VTI1A: variants seen among roughly 807,000 people sequenced by gnomAD.
VTI1A encodes vesicle transport through interaction with t-SNAREs 1A.
Under a neutral mutation model 34.9 loss-of-function variants are expected in VTI1A, and 22 were observed. The ratio of observed to expected loss-of-function variants is 0.63; its 90% CI spans 0.45 to 0.90. The LOEUF (loss-of-function observed/expected upper bound fraction) is 0.90, where lower values mean the gene tolerates loss of function less well. VTI1A is among the 40% of genes least tolerant of loss of function. The probability of loss-of-function intolerance (pLI) is 0.00; values close to 1 mark genes in which losing one functional copy is unlikely to be tolerated. For missense variants in VTI1A, 268 were observed against 275.6 expected (o/e 0.97, Z 0.20); for synonymous variants, 87 against 97.3 (o/e 0.89, Z 0.62).
chr10:112,563,461 C>T (rs1851799824), intron 5 of VTI1A, among the ~76,000 whole-genome samples: 2 of 152,116 alleles, frequency 1.3e-5, no homozygotes, highest in African/African-American at 4.8e-5. Flanking sequence ...AGTGCTGTAA[C>T]CTTATCGCAT....
chr10:112,709,253 CA>C (rs926666546), intron 7 of VTI1A, among the ~76,000 whole-genome samples: 2 of 152,188 alleles, frequency 1.3e-5, no homozygotes, highest in African/African-American at 4.8e-5. Flanking sequence ...GCTTTGCTGA[CA>C]AACACCTCAG....
At chr10:112,849,503 A>C in the VTI1A span, among the ~76,000 whole-genome samples, 3 of 151,970 alleles carry the variant, frequency 2.0e-5, no homozygotes, top group African/African-American at 4.8e-5. Flanking sequence ...TTGAATGGTG[A>C]CTCCTGGTCT....
chr10:112,751,245 G>A (rs1459189118), intron 7 of VTI1A, among the ~76,000 whole-genome samples: 1 of 152,144 alleles, frequency 6.6e-6, no homozygotes, highest in Non-Finnish European at 1.5e-5. Context: ...GATTATGTAA[G>A]GGTTGAAGAA....
intron 7 of VTI1A, among the ~76,000 whole-genome samples, chr10:112,728,609 G>A (rs897831928): frequency 1.3e-5 from 2 of 152,112 alleles, no homozygotes; most frequent in Non-Finnish European, 2.9e-5. Flanking sequence ...GCATCACAAA[G>A]GGCTCAGCTT....
intron 7 of VTI1A, among the ~76,000 whole-genome samples, chr10:112,803,071 AT>A (rs1295633851): frequency 1.3e-5 from 2 of 151,866 alleles, no homozygotes; most frequent in African/African-American, 4.8e-5. Context: ...ATTTTATTTT[AT>A]TTTTTTATTT....
chr10:112,538,461 C>T (rs766902480), intron 5 of VTI1A, 131 bp downstream of exon 5: 4 of 763,272 alleles, frequency 5.2e-6, no homozygotes, highest in African/African-American at 1.8e-5. Context: ...ATTGGGGAGA[C>T]AATTGGGAGC....
At chr10:112,601,669 A>G (rs1444227652) in intron 5 of VTI1A, among the ~76,000 whole-genome samples, 3 of 152,150 alleles carry the variant, frequency 2.0e-5, no homozygotes, top group African/African-American at 7.2e-5. Flanking sequence ...GGTAATACGA[A>G]TTCATCTCAT....
chr10:112,546,226 CATAT>C (rs779845222), intron 5 of VTI1A, among the ~76,000 whole-genome samples: 5 of 150,102 alleles, frequency 3.3e-5, no homozygotes, highest in African/African-American at 1.2e-4. Context: ...CACACACACA[CATAT>C]ATATATACAA....
intron 5 of VTI1A, among the ~76,000 whole-genome samples, chr10:112,564,053 A>G (rs1010127486): frequency 1.3e-5 from 2 of 152,120 alleles, no homozygotes; most frequent in Non-Finnish European, 2.9e-5. Flanking sequence ...AAATGTTGAA[A>G]ATTGTAAAAT....
At chr10:112,820,758 A>G (rs1488000894), downstream of VTI1A, among the ~76,000 whole-genome samples, 4 of 152,158 alleles carry the variant, frequency 2.6e-5, no homozygotes, top group Non-Finnish European at 4.4e-5. Flanking sequence ...CTCTATTGGG[A>G]TTCCAGCGCA....
intron 7 of VTI1A, among the ~76,000 whole-genome samples, chr10:112,773,303 A>ATAG (rs772208880): frequency 1.8e-4 from 28 of 152,218 alleles, no homozygotes; most frequent in Non-Finnish European, 3.5e-4. Flanking sequence ...GGGAAAGCAC[A>ATAG]TAGTACCTGG....
intron 7 of VTI1A, among the ~76,000 whole-genome samples, chr10:112,747,498 C>G (rs771282613): frequency 2.6e-5 from 4 of 152,176 alleles, no homozygotes; most frequent in Admixed American, 6.5e-5. Flanking sequence ...TGTATATAAA[C>G]ATAGAAAAGT....
chr10:112,575,952 CTTTG>C (rs1172258637), intron 5 of VTI1A, among the ~76,000 whole-genome samples: 1 of 150,662 alleles, frequency 6.6e-6, no homozygotes, highest in Non-Finnish European at 1.5e-5. Flanking sequence ...GTGAATTTTT[CTTTG>C]TTTGTTCATT....
intron 5 of VTI1A, among the ~76,000 whole-genome samples, chr10:112,555,435 A>G (rs1851510540): frequency 6.6e-6 from 1 of 152,100 alleles, no homozygotes; most frequent in Admixed American, 6.6e-5. Flanking sequence ...TTCTACAGTA[A>G]CAGACTTTAA....
At chr10:112,556,443 T>G (rs1851547674) in intron 5 of VTI1A, among the ~76,000 whole-genome samples, 1 of 152,056 alleles carries the variant, frequency 6.6e-6, no homozygotes, top group African/African-American at 2.4e-5. Context: ...CAGTTTGGCC[T>G]TGTTATGATA....
At chr10:112,789,482 T>C (rs563087488) in intron 7 of VTI1A, among the ~76,000 whole-genome samples, 2 of 152,324 alleles carry the variant, frequency 1.3e-5, no homozygotes, top group South Asian at 4.1e-4. Flanking sequence ...AGTTTAGCTG[T>C]CAGCCATCAT....
At chr10:112,834,137 A>C in the VTI1A span, among the ~76,000 whole-genome samples, 1 of 152,204 alleles carries the variant, frequency 6.6e-6, no homozygotes, top group African/African-American at 2.4e-5. Flanking sequence ...CATGTGACAC[A>C]TGCAGCTCAG....
intron 7 of VTI1A, among the ~76,000 whole-genome samples, chr10:112,732,862 A>T (rs1435348455): frequency 6.6e-6 from 1 of 152,060 alleles, no homozygotes; most frequent in Non-Finnish European, 1.5e-5. Context: ...TCCCTCTGAT[A>T]TGTTTTCACA....
intron 3 of VTI1A, among the ~76,000 whole-genome samples, chr10:112,473,185 T>C (rs1338324361): frequency 1.3e-5 from 2 of 151,612 alleles, no homozygotes; most frequent in Non-Finnish European, 2.9e-5. Flanking sequence ...CTCAGCTCAT[T>C]GCAACCTCCA....
Sources: allele counts gnomAD v4.1 joint callset (sites outside exome capture counted in the v4.1 genomes callset), GRCh38; gene constraint gnomAD v4.1.1; transcripts MANE v1.5; gene names NCBI Gene and HGNC (gene_info 2026-07-23, HGNC 2026-07-21).